The following CDH13 variants were observed in gnomAD, a reference collection of about 807,000 sequenced individuals.
CDH13 encodes cadherin 13.
In CDH13, 24 loss-of-function variants were observed where a neutral mutation model predicts 63.8. That is an observed-to-expected ratio of 0.38 (90% CI 0.27 to 0.53). The LOEUF (loss-of-function observed/expected upper bound fraction) is 0.53. Ranked by LOEUF, CDH13 falls within the 20% of genes least tolerant of loss-of-function variation. The pLI is 0.85. For missense variants in CDH13, 1,049 were observed against 903.1 expected, an observed-to-expected ratio of 1.16 and a Z score of -2.07; for synonymous variants, 503 against 355.3, an observed-to-expected ratio of 1.42 and a Z score of -4.67.
At chr16:83,351,797 TC>T (rs1283786278) in intron 6 of CDH13, among the ~76,000 whole-genome samples, 2 of 152,240 alleles carry the variant, frequency 1.3e-5, no homozygotes, top group Non-Finnish European at 2.9e-5. Context: ...AGGTGATGCT[TC>T]TAATCAGAGG....
At chr16:83,036,230 A>C (rs1597193632) in intron 3 of CDH13, among the ~76,000 whole-genome samples, 2 of 146,494 alleles carry the variant, frequency 1.4e-5, no homozygotes, top group Admixed American at 1.4e-4. Context: ...GCTCACTGCA[A>C]CCTCCACCTC....
intron 5 of CDH13, among the ~76,000 whole-genome samples, chr16:83,223,270 C>A (rs925890337): frequency 5.9e-5 from 9 of 152,190 alleles, no homozygotes; most frequent in Admixed American, 1.3e-4. Context: ...TGGCACCTTG[C>A]ACCCTCCAGA....
intron 3 of CDH13, among the ~76,000 whole-genome samples, chr16:83,046,573 C>G (rs892552153): frequency 1.3e-5 from 2 of 152,168 alleles, no homozygotes; most frequent in Non-Finnish European, 2.9e-5. Flanking sequence ...TCTTATAGCT[C>G]TTAGCAATTC....
At chr16:82,729,305 G>A (rs530937195) in intron 1 of CDH13, among the ~76,000 whole-genome samples, 1 of 152,246 alleles carries the variant, frequency 6.6e-6, no homozygotes, top group East Asian at 1.9e-4. Flanking sequence ...ATCTCTAGCA[G>A]CAACAGCCTT....
intron 1 of CDH13, among the ~76,000 whole-genome samples, chr16:82,845,680 C>T (rs1474594871): frequency 1.3e-5 from 2 of 152,170 alleles, no homozygotes; most frequent in African/African-American, 2.4e-5. Flanking sequence ...TACTAAGGCC[C>T]ACCCAAGAGT....
At chr16:82,668,324 A>C (rs765305045) in intron 1 of CDH13, among the ~76,000 whole-genome samples, 1 of 152,168 alleles carries the variant, frequency 6.6e-6, no homozygotes, top group Non-Finnish European at 1.5e-5. Flanking sequence ...GGATGGCATC[A>C]GGCCCGCTGA....
intron 5 of CDH13, among the ~76,000 whole-genome samples, chr16:83,240,455 A>C (rs1011352148): frequency 6.6e-6 from 1 of 152,074 alleles, no homozygotes; most frequent in African/African-American, 2.4e-5. Context: ...GCTGGAGGTT[A>C]CTGAAGGAAA....
intron 1 of CDH13, among the ~76,000 whole-genome samples, chr16:82,805,856 C>T (rs760931361): frequency 4.6e-5 from 7 of 152,232 alleles, no homozygotes; most frequent in East Asian, 3.9e-4. Context: ...CTCCGGTTGA[C>T]GAACTCTAGT....
At chr16:83,516,681 C>G (rs1463136313) in intron 7 of CDH13, among the ~76,000 whole-genome samples, 2 of 152,142 alleles carry the variant, frequency 1.3e-5, no homozygotes, top group East Asian at 1.9e-4. Context: ...TTGTAAGTAC[C>G]TACTCTCTTC....
chr16:83,425,132 A>G (rs1364598756), intron 6 of CDH13, among the ~76,000 whole-genome samples: 5 of 152,196 alleles, frequency 3.3e-5, no homozygotes, highest in Non-Finnish European at 5.9e-5. Context: ...GTTCTAAGCT[A>G]TGGTATTTGT....
At chr16:83,537,586 G>T (rs2075218433) in intron 7 of CDH13, among the ~76,000 whole-genome samples, 1 of 152,228 alleles carries the variant, frequency 6.6e-6, no homozygotes, top group South Asian at 2.1e-4. Flanking sequence ...TTACTGTAGG[G>T]CTTCTCAGAA....
chr16:83,555,180 T>A (rs1412794697), intron 7 of CDH13, among the ~76,000 whole-genome samples: 1 of 152,186 alleles, frequency 6.6e-6, no homozygotes, highest in Non-Finnish European at 1.5e-5. Flanking sequence ...TTTTCCATGT[T>A]GCAGAGTGAC....
At chr16:83,623,152 T>G (rs1374809026) in intron 8 of CDH13, among the ~76,000 whole-genome samples, 1 of 152,032 alleles carries the variant, frequency 6.6e-6, no homozygotes, top group Non-Finnish European at 1.5e-5. Flanking sequence ...TGTGTGCAGA[T>G]GCCCTGAGGC....
chr16:83,743,768 C>CTTTTT (rs57379661), intron 10 of CDH13, among the ~76,000 whole-genome samples: 4 of 106,112 alleles, frequency 3.8e-5, no homozygotes, highest in South Asian at 3.7e-4. Context: ...TTTTTTTTTT[C>CTTTTT]TTTGCTTTTT....
chr16:83,391,397 G>A (rs1264323352), intron 6 of CDH13, among the ~76,000 whole-genome samples: 1 of 151,934 alleles, frequency 6.6e-6, no homozygotes, highest in Non-Finnish European at 1.5e-5. Context: ...GTAGAGACGG[G>A]GTTTCACCAT....
chr16:83,264,534 G>A (rs1907368479), intron 5 of CDH13, among the ~76,000 whole-genome samples: 1 of 111,910 alleles, frequency 8.9e-6, no homozygotes, highest in African/African-American at 3.3e-5. Flanking sequence ...ATATGTATAT[G>A]TGTGTGTATA....
intron 2 of CDH13, among the ~76,000 whole-genome samples, chr16:82,947,558 G>A (rs1415329233): frequency 6.6e-6 from 1 of 151,804 alleles, no homozygotes; most frequent in Non-Finnish European, 1.5e-5. Flanking sequence ...AATAAGAATG[G>A]TACAAAATTA....
chr16:83,292,974 T>G (rs1046948752), intron 5 of CDH13, among the ~76,000 whole-genome samples: 2 of 152,188 alleles, frequency 1.3e-5, no homozygotes, highest in Admixed American at 6.5e-5. Context: ...ATTGGATAAA[T>G]GACTAAATTT....
At chr16:83,516,967 C>T (rs531469211) in intron 7 of CDH13, among the ~76,000 whole-genome samples, 20 of 152,150 alleles carry the variant, frequency 1.3e-4, no homozygotes, top group Non-Finnish European at 2.5e-4. Flanking sequence ...AATATTGTCA[C>T]CAGAGAAATC....
Sources: gnomAD v4.1 joint callset for allele counts (sites outside exome capture counted in the v4.1 genomes callset) on GRCh38, gnomAD v4.1.1 for gene constraint, MANE v1.5 for transcripts, NCBI Gene and HGNC (gene_info 2026-07-23, HGNC 2026-07-21) for gene names.